RIT2: variants seen among roughly 807,000 people sequenced by gnomAD.
RIT2 encodes the protein GTP-binding protein Rit2.
In RIT2, 24 loss-of-function variants were observed where a neutral mutation model predicts 23.7. The observed-to-expected ratio is 1.01, with a 90% CI of 0.73 to 1.43. The LOEUF is 1.43. RIT2 is among the 40% of genes most tolerant of loss of function. The pLI is 0.00. For missense variants in RIT2, 236 were observed against 266.9 expected, an observed-to-expected ratio of 0.88 and a Z score of 0.81; for synonymous variants, 107 against 91.1, an observed-to-expected ratio of 1.17 and a Z score of -0.99.
chr18:43,012,296 CT>C (rs1193178430), intron 2 of RIT2, among the ~76,000 whole-genome samples: 1 of 151,650 alleles, frequency 6.6e-6, no homozygotes, highest in Non-Finnish European at 1.5e-5. Flanking sequence ...TACTGTTTTT[CT>C]TTTTTTCTTT....
intron 1 of RIT2, among the ~76,000 whole-genome samples, chr18:43,102,985 T>G (rs1001978665): frequency 6.6e-5 from 10 of 152,122 alleles, no homozygotes; most frequent in African/African-American, 1.7e-4. Context: ...TAATTGTTTG[T>G]GACTATCTGC....
At chr18:42,967,528 C>A (rs1910259667) in intron 3 of RIT2, among the ~76,000 whole-genome samples, 1 of 146,604 alleles carries the variant, frequency 6.8e-6, no homozygotes, top group East Asian at 2.0e-4. Flanking sequence ...CGCCACCACG[C>A]CCGGCTAATT....
intron 4 of RIT2, among the ~76,000 whole-genome samples, chr18:42,851,866 A>C (rs1294265527): frequency 1.3e-5 from 2 of 152,078 alleles, no homozygotes; most frequent in African/African-American, 4.8e-5. Context: ...AATAAAATAA[A>C]AGACAGGTAA....
chr18:42,754,365 G>A (rs617272), intron 4 of RIT2, among the ~76,000 whole-genome samples: 98,590 of 151,994 alleles, frequency 0.65, 35,933 homozygotes, highest in Middle Eastern at 0.83. Context: ...AGTCAACAGA[G>A]GCAGTTTGGT....
intron 3 of RIT2, among the ~76,000 whole-genome samples, chr18:42,932,028 G>T (rs926463570): frequency 7.9e-5 from 12 of 152,076 alleles, no homozygotes; most frequent in African/African-American, 2.7e-4. Context: ...TTACTATTTG[G>T]TTCCTCCTTC....
intron 1 of RIT2, among the ~76,000 whole-genome samples, chr18:43,107,020 G>A (rs1913838487): frequency 6.6e-6 from 1 of 152,250 alleles, no homozygotes; most frequent in South Asian, 2.1e-4. Flanking sequence ...ATGTCTGTGA[G>A]CAGTACAGAG....
At chr18:42,903,234 T>C (rs1908523644) in intron 4 of RIT2, among the ~76,000 whole-genome samples, 1 of 152,004 alleles carries the variant, frequency 6.6e-6, no homozygotes, top group South Asian at 2.1e-4. Context: ...CAAAATAAAC[T>C]CTATGTAATA....
intron 4 of RIT2, among the ~76,000 whole-genome samples, chr18:42,916,919 A>G (rs1908925465): frequency 6.6e-6 from 1 of 152,104 alleles, no homozygotes. Flanking sequence ...GTTAATGCAA[A>G]CCCAACAGAG....
intron 4 of RIT2, among the ~76,000 whole-genome samples, chr18:42,758,680 A>ATTTTTT (rs11371811): frequency 4.3e-5 from 6 of 139,844 alleles, no homozygotes; most frequent in Non-Finnish European, 4.6e-5. Flanking sequence ...CACCCGGCTA[A>ATTTTTT]TTTTTTTTTT....
chr18:42,832,299 A>G (rs974936159), intron 4 of RIT2, among the ~76,000 whole-genome samples: 1 of 152,218 alleles, frequency 6.6e-6, no homozygotes. Context: ...GTAAATAGCT[A>G]AGTGATGTAA....
intron 4 of RIT2, among the ~76,000 whole-genome samples, chr18:42,850,115 A>G (rs1456897532): frequency 1.7e-5 from 2 of 118,770 alleles, no homozygotes; most frequent in South Asian, 2.9e-4. Context: ...GTGTGTGTGA[A>G]TATACATAAC....
At chr18:42,784,552 T>C (rs1471838495) in intron 4 of RIT2, among the ~76,000 whole-genome samples, 4 of 152,092 alleles carry the variant, frequency 2.6e-5, no homozygotes, top group Non-Finnish European at 5.9e-5. Context: ...TCAGTAAATG[T>C]AAGACATTTC....
intron 4 of RIT2, among the ~76,000 whole-genome samples, chr18:42,858,134 T>C (rs537516015): frequency 1.5e-4 from 23 of 152,296 alleles, no homozygotes; most frequent in South Asian, 2.1e-4. Context: ...TGAGCCAAGA[T>C]TGAGCCATTG....
chr18:43,110,682 T>G (rs918997951), intron 1 of RIT2, among the ~76,000 whole-genome samples: 1 of 152,070 alleles, frequency 6.6e-6, no homozygotes, highest in Non-Finnish European at 1.5e-5. Context: ...TATTGGATAA[T>G]TTGTCTTTTT....
chr18:42,992,379 T>C (rs965669516), intron 2 of RIT2, among the ~76,000 whole-genome samples: 5 of 152,096 alleles, frequency 3.3e-5, no homozygotes, highest in Admixed American at 6.6e-5. Context: ...GTGCCTGACG[T>C]CCAGGCATTC....
intron 4 of RIT2, among the ~76,000 whole-genome samples, chr18:42,914,388 AC>A (rs1440995867): frequency 3.3e-5 from 5 of 152,108 alleles, no homozygotes; most frequent in Non-Finnish European, 7.4e-5. Flanking sequence ...ACTGGAAATT[AC>A]CCAAATGTCC....
intron 4 of RIT2, among the ~76,000 whole-genome samples, chr18:42,813,301 A>T (rs1364827233): frequency 6.6e-6 from 1 of 152,178 alleles, no homozygotes; most frequent in African/African-American, 2.4e-5. Flanking sequence ...TTAAGAAAAT[A>T]ATCATTGAAA....
intron 3 of RIT2, among the ~76,000 whole-genome samples, chr18:42,967,788 ATAT>A (rs140626553): frequency 0.04 from 6,023 of 151,456 alleles, 379 homozygotes; most frequent in African/African-American, 0.14. Flanking sequence ...TTATTTATTA[ATAT>A]TATTATTATA....
At chr18:43,035,837 A>G (rs1039462765) in intron 1 of RIT2, among the ~76,000 whole-genome samples, 6 of 152,194 alleles carry the variant, frequency 3.9e-5, no homozygotes, top group Non-Finnish European at 7.3e-5. Context: ...GACCAGTTCT[A>G]TATGTAGTTC....
Sources: gnomAD v4.1 joint callset for allele counts (sites outside exome capture counted in the v4.1 genomes callset) on GRCh38, gnomAD v4.1.1 for gene constraint, MANE v1.5 for transcripts, NCBI Gene and HGNC (gene_info 2026-07-23, HGNC 2026-07-21) for gene names.